KAZN: variants seen among roughly 807,000 people sequenced by gnomAD.
The protein encoded by KAZN is kazrin.
A neutral mutation model predicts 87.4 loss-of-function variants in KAZN; 40 were observed. The ratio of observed to expected loss-of-function variants is 0.46; its 90% CI spans 0.36 to 0.60. The LOEUF (loss-of-function observed/expected upper bound fraction) is 0.60. KAZN is among the 20% of genes least tolerant of loss of function. KAZN has a pLI of 0.00. For missense variants in KAZN, 898 were observed against 1,073.9 expected (o/e 0.84, Z 2.29); for synonymous variants, 466 against 458.3 (o/e 1.02, Z -0.22).
chr1:15,061,093 A>G (rs1003979472), intron 6 of KAZN: 1 of 152,248 alleles, frequency 6.6e-6, no homozygotes, highest in African/African-American at 2.4e-5. Flanking sequence ...AAACTCAGTT[A>G]ATGTCACTTT....
rs148501702 is a variant in KAZN at position 14,419,789 on chromosome 1, T to C, written c.250-179194T>C. Among the ~76,000 whole-genome samples, 370 of 150,848 alleles carry C rather than the reference T, an allele frequency of 2.5e-3. 1 individual carries two copies. The highest frequency in any genetic ancestry group is 8.3e-3 in the African/African-American group (340 of 41,006). On this transcript the variant is annotated intron_variant, in intron 2 of 16. Transcript: ENST00000636203. ...TGTTGTTTGTCCCTCCCATCCGGAGTTGTTCATTCCTCCCGGTGGGTTCGG... is the reference window on the plus strand; with the variant it reads ...TGTTGTTTGTCCCTCCCATCCGGAGCTGTTCATTCCTCCCGGTGGGTTCGG...
intron 4 of KAZN, among the ~76,000 whole-genome samples, chr1:15,049,331 A>G (rs1043768653): frequency 2.0e-5 from 3 of 152,204 alleles, no homozygotes; most frequent in African/African-American, 7.2e-5. Flanking sequence ...CAGCACGGGA[A>G]ATGCTCTTCA....
intron 1 of KAZN, among the ~76,000 whole-genome samples, chr1:14,846,274 T>G (rs1192416179): frequency 6.6e-6 from 1 of 152,192 alleles, no homozygotes; most frequent in Non-Finnish European, 1.5e-5. Flanking sequence ...AATCTAGCAT[T>G]TCCCAAATGT....
At chr1:14,271,533 T>G (rs902064303) in intron 2 of KAZN, among the ~76,000 whole-genome samples, 12 of 152,200 alleles carry the variant, frequency 7.9e-5, no homozygotes, top group African/African-American at 2.9e-4. Flanking sequence ...AAATCTCTAT[T>G]TCTATTTCTC....
intron 1 of KAZN, among the ~76,000 whole-genome samples, chr1:14,149,436 G>A (rs1645427435): frequency 6.6e-6 from 1 of 152,028 alleles, no homozygotes; most frequent in Non-Finnish European, 1.5e-5. Context: ...CCTTCTTTTA[G>A]GTGCACAGTT....
At chr1:14,044,912 G>A (rs550500980) in intron 1 of KAZN, among the ~76,000 whole-genome samples, 137 of 152,128 alleles carry the variant, frequency 9.0e-4, no homozygotes, top group Non-Finnish European at 1.5e-3. Context: ...AGCTTCTGCC[G>A]GGGTAGATCA....
intron 6 of KAZN, chr1:15,060,559 G>T (rs975011491): frequency 3.2e-5 from 16 of 496,736 alleles, no homozygotes; most frequent in African/African-American, 2.9e-4. Context: ...TCGGCCGCAG[G>T]CACAGCCTGG....
intron 2 of KAZN, among the ~76,000 whole-genome samples, chr1:14,384,601 T>C (rs1247855523): frequency 2.1e-4 from 32 of 152,220 alleles, no homozygotes; most frequent in Admixed American, 2.1e-3. Context: ...TGGTTCTGTT[T>C]ATATGCTGGA....
chr1:14,207,512 G>T (rs1385393556), intron 2 of KAZN, among the ~76,000 whole-genome samples: 1 of 152,040 alleles, frequency 6.6e-6, no homozygotes, highest in Non-Finnish European at 1.5e-5. Flanking sequence ...TGCACAATAT[G>T]ATCTCACTCA....
At chr1:14,286,782 G>T (rs1471326212) in intron 2 of KAZN, among the ~76,000 whole-genome samples, 1 of 152,100 alleles carries the variant, frequency 6.6e-6, no homozygotes, top group African/African-American at 2.4e-5. Context: ...TTGGTGGGGT[G>T]CTTAGAACTA....
At chr1:14,833,105 C>T (rs1169466138) in intron 1 of KAZN, among the ~76,000 whole-genome samples, 1 of 152,132 alleles carries the variant, frequency 6.6e-6, no homozygotes, top group Non-Finnish European at 1.5e-5. Flanking sequence ...AAGAAGCTTG[C>T]CAACCCCTGG....
chr1:14,209,165 C>T (rs1450798566), intron 2 of KAZN, among the ~76,000 whole-genome samples: 1 of 152,224 alleles, frequency 6.6e-6, no homozygotes. Context: ...CCAGATCCCT[C>T]CTTCGTGCTG....
intron 1 of KAZN, chr1:14,924,336 C>G (rs1427429117): frequency 1.1e-5 from 11 of 987,618 alleles, no homozygotes; most frequent in Non-Finnish European, 1.3e-5. Context: ...CTCGCGCAGC[C>G]GCTGGTAGCG....
chr1:14,907,233 C>CA (rs201960635), intron 1 of KAZN, among the ~76,000 whole-genome samples: 1,831 of 148,952 alleles, frequency 0.012, 33 homozygotes, highest in African/African-American at 0.041. Context: ...CCATCTCTAC[C>CA]AAAAAAAATA....
intron 2 of KAZN, among the ~76,000 whole-genome samples, chr1:15,022,902 G>A (rs1414138923): frequency 3.3e-5 from 5 of 152,234 alleles, no homozygotes; most frequent in Admixed American, 2.0e-4. Flanking sequence ...GGGCAGATTA[G>A]GATATTTGGA....
In KAZN at chr1:15,056,391, C is replaced by T. The variant is rs1231918646; in HGVS notation, c.916+111C>T. 22 of 1,122,408 alleles carry T rather than the reference C, an allele frequency of 2.0e-5. No homozygotes were observed. In the East Asian group the frequency reaches 3.4e-4, roughly 17 times the overall value. The allele number at this position is 1,122,408 out of a possible 1,614,324, so 69.5% of individuals were successfully genotyped here. On this transcript the variant is annotated intron_variant, in intron 5 of 14. Coordinates refer to ENST00000376030, the MANE Select transcript of KAZN (RefSeq NM_201628.3). The surrounding 1 kb of genome is among the most constrained non-coding windows in gnomAD (Gnocchi z 5.4). Reference sequence around the variant, plus strand: ...TGTTCGTACTACAGCAGCTTGGGGGCGTGGGACAGAGACCTTGGGCTCATG... The same window carrying T: ...TGTTCGTACTACAGCAGCTTGGGGGTGTGGGACAGAGACCTTGGGCTCATG...
chr1:14,628,224 TTG>T, intron 1 of KAZN, among the ~76,000 whole-genome samples: 1 of 152,310 alleles, frequency 6.6e-6, no homozygotes, highest in Middle Eastern at 3.4e-3. Flanking sequence ...TCCTGTGAGT[TTG>T]TTTGAAAGGA....
intron 4 of KAZN, among the ~76,000 whole-genome samples, chr1:15,044,361 G>A (rs1673253315): frequency 6.6e-6 from 1 of 152,206 alleles, no homozygotes; most frequent in Non-Finnish European, 1.5e-5. Context: ...CATGCCCCCA[G>A]AGACTGGGCC....
intron 1 of KAZN, among the ~76,000 whole-genome samples, chr1:14,021,349 A>G (rs1162931220): frequency 4.4e-4 from 67 of 152,326 alleles, no homozygotes; most frequent in Non-Finnish European, 8.8e-5. Context: ...AGTGGTCAGA[A>G]ATGCAGAATC....
Sources: allele counts gnomAD v4.1 joint callset (sites outside exome capture counted in the v4.1 genomes callset), GRCh38; gene constraint gnomAD v4.1.1; non-coding constraint Gnocchi (gnomAD v3.1); transcripts MANE v1.5; gene names NCBI Gene and HGNC (gene_info 2026-07-23, HGNC 2026-07-21).